TLN2: variants seen among roughly 807,000 people sequenced by gnomAD.
TLN2 encodes talin-2.
TLN2 carries 118 observed loss-of-function variants against 294.7 expected under a neutral mutation model. The ratio of observed to expected loss-of-function variants is 0.40; its 90% CI spans 0.34 to 0.47. TLN2 has a LOEUF of 0.47. Among genes scored for constraint, TLN2 ranks in the 20% least tolerant of loss-of-function variants. The pLI is 0.84. For synonymous variants in TLN2, 1,431 were observed against 1,304.5 expected, an observed-to-expected ratio of 1.10 and a Z score of -2.09; for missense variants, 3,083 against 3,282.2, an observed-to-expected ratio of 0.94 and a Z score of 1.48.
intron 43 of TLN2, among the ~76,000 whole-genome samples, chr15:62,778,451 A>T (rs1031883900): frequency 1.7e-4 from 26 of 152,354 alleles, no homozygotes; most frequent in African/African-American, 6.3e-4. Context: ...TCTTGGTGCA[A>T]ATTAGAAATT....
rs758625400 is a variant in TLN2 at position 62,835,770 on chromosome 15, G to A, written c.7162G>A (p.Gly2388Arg). 2.4e-5 allele frequency: 39 copies of A among 1,614,072 alleles called. No homozygotes were observed. The highest frequency in any genetic ancestry group is 3.2e-5 in the Non-Finnish European group (38 of 1,180,050). The change falls in exon 56 of 59, where the codon GGA (glycine) becomes AGA (arginine). Residue 2388 changes from glycine to arginine, a missense_variant. By Grantham distance (125) the Gly-to-Arg change is moderately radical. Coordinates refer to ENST00000636159, the MANE Select transcript of TLN2 (RefSeq NM_015059.3). ...GSIPANAADD[G>R]QWSQGLISAA... ...CATCCCTGCCAATGCTGCAGACGAC[G>A]GACAGTGGTCACAGGGGCTGATTTC...
intron 1 of TLN2, among the ~76,000 whole-genome samples, chr15:62,511,911 C>A (rs1462545764): frequency 6.6e-6 from 1 of 152,150 alleles, no homozygotes; most frequent in Admixed American, 6.5e-5. Flanking sequence ...AAGACACTCT[C>A]AAAACCCAGC....
intron 1 of TLN2, among the ~76,000 whole-genome samples, chr15:62,434,566 T>C (rs2035193390): frequency 6.6e-6 from 1 of 152,228 alleles, no homozygotes; most frequent in Non-Finnish European, 1.5e-5. Context: ...AGTATGTTCA[T>C]CTTTAATTTA....
intron 45 of TLN2, among the ~76,000 whole-genome samples, chr15:62,786,820 C>T (rs372936956): frequency 4.2e-4 from 64 of 152,246 alleles, no homozygotes; most frequent in African/African-American, 1.4e-3. Context: ...TAGGTTGGTG[C>T]AAAAGTAAAT....
chr15:62,685,289 C>T (rs571173450), intron 11 of TLN2, among the ~76,000 whole-genome samples: 11 of 152,064 alleles, frequency 7.2e-5, no homozygotes, highest in African/African-American at 2.4e-4. Context: ...GTAGGGTAAT[C>T]TGTTATCTGG....
chr15:62,492,046 CAG>C (rs1016205325), intron 1 of TLN2, among the ~76,000 whole-genome samples: 5 of 152,040 alleles, frequency 3.3e-5, no homozygotes, highest in South Asian at 2.1e-4. Flanking sequence ...AAATGTCTAA[CAG>C]AATAAATTTA....
At chr15:62,720,661 G>C (rs986179841) in intron 25 of TLN2, among the ~76,000 whole-genome samples, 1 of 151,874 alleles carries the variant, frequency 6.6e-6, no homozygotes, top group East Asian at 1.9e-4. Flanking sequence ...GTGTGTGTGT[G>C]TGTGTGTGTG....
At chr15:62,559,327 G>C (rs1003235951) in intron 1 of TLN2, among the ~76,000 whole-genome samples, 5 of 152,192 alleles carry the variant, frequency 3.3e-5, no homozygotes, top group Admixed American at 2.6e-4. Context: ...ACTGAGGCCA[G>C]CGGATGTGGA....
intron 28 of TLN2, among the ~76,000 whole-genome samples, chr15:62,731,664 C>T (rs569181843): frequency 1.3e-5 from 2 of 152,316 alleles, no homozygotes; most frequent in Non-Finnish European, 1.5e-5. Context: ...TACTCAGCTT[C>T]TTGGCAATAG....
rs1236237419 is a variant in TLN2 at position 62,835,920 on chromosome 15, T to C, written c.7221T>C (p.Ser2407=). 1 of 1,614,164 alleles carries C rather than the reference T, an allele frequency of 6.2e-7. No homozygotes were observed. The highest frequency in any genetic ancestry group is 1.1e-5 in the South Asian group (1 of 91,072). ...GGATGGTGGCGGCTGCGACCAGCAG[T>C]CTCTGTGAGGCGGCCAATGCCTCCG... ...AARMVAAATS[S]LCEAANASVQ... is the part of the protein sequence containing the mutation. Residue 2407 remains serine (S), a synonymous_variant, in exon 57 of 59, where the codon AGT becomes AGC. Coordinates refer to ENST00000636159, the MANE Select transcript of TLN2 (RefSeq NM_015059.3).
At chr15:62,724,702 A>T (rs1157223561) in intron 26 of TLN2, among the ~76,000 whole-genome samples, 4 of 152,208 alleles carry the variant, frequency 2.6e-5, no homozygotes, top group African/African-American at 9.6e-5. Context: ...ACTGAGTCTA[A>T]GAGGCAAGTG....
At chr15:62,576,528 G>T (rs76787433) in intron 1 of TLN2, among the ~76,000 whole-genome samples, 1 of 150,666 alleles carries the variant, frequency 6.6e-6, no homozygotes, top group African/African-American at 2.4e-5. Flanking sequence ...GGGAGCGCGA[G>T]AATTGCTGAT....
chr15:62,401,373 T>A (rs914488509), intron 1 of TLN2, among the ~76,000 whole-genome samples: 8 of 152,150 alleles, frequency 5.3e-5, no homozygotes, highest in Admixed American at 3.3e-4. Context: ...GCCTTGAATG[T>A]TTTTCTAGTG....
At chr15:62,544,726 C>CT (rs11424816) in intron 1 of TLN2, among the ~76,000 whole-genome samples, 57,251 of 144,734 alleles carry the variant, frequency 0.4, 11,501 homozygotes, top group East Asian at 0.52. Context: ...AGTAGAAAAG[C>CT]TTTTTTTTTT....
intron 1 of TLN2, among the ~76,000 whole-genome samples, chr15:62,532,092 C>T (rs1426767069): frequency 1.3e-5 from 2 of 150,996 alleles, no homozygotes; most frequent in Non-Finnish European, 2.9e-5. Flanking sequence ...CTTTGTCACC[C>T]AGGCTGGGGT....
intron 41 of TLN2, among the ~76,000 whole-genome samples, chr15:62,770,433 G>A (rs1415866402): frequency 2.0e-5 from 3 of 152,230 alleles, no homozygotes; most frequent in Non-Finnish European, 2.9e-5. Context: ...CAAGTTGGGC[G>A]AATCATAAAC....
intron 43 of TLN2, among the ~76,000 whole-genome samples, chr15:62,778,174 C>T (rs767159266): frequency 3.3e-5 from 5 of 152,202 alleles, no homozygotes; most frequent in Non-Finnish European, 5.9e-5. Context: ...AGCCTGAGAA[C>T]AAACATAACA....
chr15:62,733,455 G>A (rs1484221038), intron 28 of TLN2, among the ~76,000 whole-genome samples: 1 of 152,188 alleles, frequency 6.6e-6, no homozygotes, highest in Non-Finnish European at 1.5e-5. Flanking sequence ...GCTGCCACTG[G>A]GCTGTATTCT....
chr15:62,707,460 G>A lies in TLN2; in HGVS notation c.2172+207G>A, dbSNP rs116673926. 1.7e-3 allele frequency among the ~76,000 whole-genome samples: 254 copies of A among 152,306 alleles called. 1 individual carries two copies. Among genetic ancestry groups the A allele is most frequent in the African/African-American group, 5.9e-3 (247 of 41,568 alleles). ...TGTTCTTTGCCCAAGTCCTCAGGCC[G>A]TTGGTACTTTTCACTAGTTCATTTC... On this transcript the variant is annotated intron_variant, in intron 20 of 58. Transcript: ENST00000636159.
Sources: gnomAD v4.1 joint callset for allele counts (sites outside exome capture counted in the v4.1 genomes callset) on GRCh38, gnomAD v4.1.1 for gene constraint, MANE v1.5 for transcripts, NCBI Gene and HGNC (gene_info 2026-07-23, HGNC 2026-07-21) for gene names.